Variants in TASP1 observed in about 807,000 individuals in gnomAD.
TASP1 encodes the protein threonine aspartase 1.
Under a neutral mutation model 56.6 loss-of-function variants are expected in TASP1, and 16 were observed. That is an observed-to-expected ratio of 0.28 (90% CI 0.19 to 0.43). TASP1 has a LOEUF of 0.43. Ranked by LOEUF, TASP1 falls within the 20% of genes least tolerant of loss-of-function variation. The pLI is 1.00. For missense variants in TASP1, 393 were observed against 511.6 expected (o/e 0.77, Z 2.24); for synonymous variants, 179 against 184.2 (o/e 0.97, Z 0.23).
chr20:13,345,713 C>T, the TASP1 span, among the ~76,000 whole-genome samples: 72 of 152,190 alleles, frequency 4.7e-4, no homozygotes, highest in South Asian at 2.3e-3. Flanking sequence ...GTGAGTGGAA[C>T]ACCAGATGCT....
At chr20:13,238,511 A>G in the TASP1 span, among the ~76,000 whole-genome samples, 233 of 152,312 alleles carry the variant, frequency 1.5e-3, 1 homozygote, top group African/African-American at 5.3e-3. Context: ...CAATACCCAC[A>G]TGGACATCAC....
chr20:13,259,090 C>T, the TASP1 span, among the ~76,000 whole-genome samples: 1 of 152,110 alleles, frequency 6.6e-6, no homozygotes, highest in African/African-American at 2.4e-5. Flanking sequence ...CAAGACCAGC[C>T]TGGCCAACAT....
At chr20:13,457,595 TTTC>T (rs1370112319) in intron 11 of TASP1, among the ~76,000 whole-genome samples, 5 of 152,234 alleles carry the variant, frequency 3.3e-5, no homozygotes, top group African/African-American at 1.2e-4. Flanking sequence ...TAATGCTTTT[TTTC>T]TTTTTAATTT....
At chr20:13,110,024 G>A in the TASP1 span, 1 of 1,109,830 alleles carries the variant, frequency 9.0e-7, no homozygotes, top group Non-Finnish European at 1.3e-6. Flanking sequence ...AGGTCTGAGT[G>A]TGAACATAAA....
chr20:13,581,596 G>A (rs1306344778), intron 5 of TASP1, among the ~76,000 whole-genome samples: 1 of 152,160 alleles, frequency 6.6e-6, no homozygotes, highest in African/African-American at 2.4e-5. Flanking sequence ...CTTTCCAAGA[G>A]GCTAACCAGT....
At chr20:13,582,894 T>C (rs1325658517) in intron 5 of TASP1, among the ~76,000 whole-genome samples, 2 of 152,190 alleles carry the variant, frequency 1.3e-5, no homozygotes, top group African/African-American at 2.4e-5. Context: ...GTAAGCTTTG[T>C]CAGTAGAGGA....
At chr20:13,492,415 C>A (rs974571821) in intron 10 of TASP1, among the ~76,000 whole-genome samples, 11 of 152,136 alleles carry the variant, frequency 7.2e-5, no homozygotes, top group African/African-American at 2.7e-4. Context: ...TCACCTTTTC[C>A]CTGTCAAAGG....
At chr20:13,207,366 G>T in the TASP1 span, among the ~76,000 whole-genome samples, 1 of 152,340 alleles carries the variant, frequency 6.6e-6, no homozygotes, top group Admixed American at 6.5e-5. Flanking sequence ...AAGTCACACG[G>T]TGTATTAATC....
the TASP1 span, among the ~76,000 whole-genome samples, chr20:13,354,707 G>A: frequency 1.3e-5 from 2 of 152,258 alleles, no homozygotes; most frequent in African/African-American, 2.4e-5. Context: ...AGATCATAAG[G>A]TGATGGTGAA....
chr20:13,143,592 TG>T, the TASP1 span, among the ~76,000 whole-genome samples: 1 of 152,180 alleles, frequency 6.6e-6, no homozygotes, highest in Non-Finnish European at 1.5e-5. Flanking sequence ...GTCATTGTCC[TG>T]GGCACAAGGC....
the TASP1 span, among the ~76,000 whole-genome samples, chr20:13,209,233 A>G: frequency 6.6e-6 from 1 of 152,146 alleles, no homozygotes; most frequent in Non-Finnish European, 1.5e-5. Context: ...TGACCTGCAG[A>G]TTTGTAAGTG....
chr20:13,508,416 C>T (rs746881303), intron 10 of TASP1, among the ~76,000 whole-genome samples: 1 of 151,986 alleles, frequency 6.6e-6, no homozygotes, highest in African/African-American at 2.4e-5. Flanking sequence ...TTTTTGAGTG[C>T]CAACATGATA....
Position 13,390,152 on chromosome 20 carries a change from G to GCA in TASP1, c.*206_*207dup. 1 of 529,264 alleles carries GCA rather than the reference G, an allele frequency of 1.9e-6. No homozygotes were observed. Among genetic ancestry groups the GCA allele is most frequent in the Non-Finnish European group, 3.4e-6 (1 of 290,472 alleles). 32.8% of individuals were successfully genotyped at this position (529,264 alleles called of 1,614,324 possible). ...CATACACATATGTGCGCACATACGC[G>GCA]CACACACTCACACACAGTCCCGCTC... On this transcript the variant is annotated 3_prime_UTR_variant, in exon 14 of 14. Transcript: ENST00000337743.
intron 10 of TASP1, among the ~76,000 whole-genome samples, chr20:13,485,039 T>G (rs1448863437): frequency 1.1e-4 from 16 of 152,084 alleles, no homozygotes; most frequent in Non-Finnish European, 8.8e-5. Flanking sequence ...AAGTGATGGG[T>G]TGATGGGTGG....
chr20:13,404,909 C>T (rs911051694), intron 13 of TASP1, among the ~76,000 whole-genome samples: 41 of 152,194 alleles, frequency 2.7e-4, no homozygotes, highest in African/African-American at 8.4e-4. Context: ...ACAAATAATC[C>T]TTTGTGTTAT....
At chr20:13,519,259 G>A (rs891608403) in intron 10 of TASP1, among the ~76,000 whole-genome samples, 5 of 152,006 alleles carry the variant, frequency 3.3e-5, no homozygotes, top group Admixed American at 3.3e-4. Flanking sequence ...AGGATCAATC[G>A]TACCACAACC....
intron 13 of TASP1, among the ~76,000 whole-genome samples, chr20:13,405,285 A>G (rs1437288225): frequency 6.6e-6 from 1 of 152,274 alleles, no homozygotes; most frequent in African/African-American, 2.4e-5. Context: ...ATACTTAATT[A>G]AAGTTTAAAG....
intron 6 of TASP1, among the ~76,000 whole-genome samples, chr20:13,575,220 A>T (rs747431898): frequency 5.9e-5 from 9 of 152,344 alleles, no homozygotes; most frequent in Non-Finnish European, 1.3e-4. Flanking sequence ...TTATAAGATC[A>T]TCTCAATAGA....
the TASP1 span, among the ~76,000 whole-genome samples, chr20:13,359,317 G>C: frequency 1.2e-4 from 18 of 151,146 alleles, no homozygotes; most frequent in African/African-American, 3.2e-4. Flanking sequence ...ATCTGTGTGG[G>C]ACCCCACTGA....
Sources: allele counts gnomAD v4.1 joint callset (sites outside exome capture counted in the v4.1 genomes callset), GRCh38; gene constraint gnomAD v4.1.1; transcripts MANE v1.5; gene names NCBI Gene and HGNC (gene_info 2026-07-23, HGNC 2026-07-21).